Variants in SELENOO observed in about 807,000 individuals in gnomAD.
SELENOO encodes protein adenylyltransferase SelO, mitochondrial.
In SELENOO, 74 loss-of-function variants were observed where a neutral mutation model predicts 58.7. The ratio of observed to expected loss-of-function variants is 1.26; its 90% CI spans 1.04 to 1.53. The LOEUF is 1.53. Ranked by LOEUF, SELENOO falls within the 40% of genes most tolerant of loss-of-function variation. The pLI is 0.00. For synonymous variants in SELENOO, 543 were observed against 453.2 expected, an observed-to-expected ratio of 1.20 and a Z score of -2.52; for missense variants, 1,149 against 970.0, an observed-to-expected ratio of 1.18 and a Z score of -2.45.
At chr22:50,202,723 C>T (rs1429744357) in intron 1 of SELENOO, among the ~76,000 whole-genome samples, 1 of 152,184 alleles carries the variant, frequency 6.6e-6, no homozygotes, top group Non-Finnish European at 1.5e-5. Context: ...AGTATTAACT[C>T]ACTGCTTTCA....
chr22:50,210,977 C>A, intron 5 of SELENOO, 66 bp downstream of exon 5: 1 of 1,571,694 alleles, frequency 6.4e-7, no homozygotes, highest in South Asian at 1.1e-5. Context: ...GATGGTTTAC[C>A]TTCTGGCTTC....
intron 5 of SELENOO, among the ~76,000 whole-genome samples, chr22:50,214,722 G>A (rs1012603299): frequency 3.3e-5 from 5 of 152,202 alleles, no homozygotes; most frequent in East Asian, 1.9e-4. Flanking sequence ...CCGAGATTGC[G>A]CCACTGCACT....
intron 6 of SELENOO, 82 bp downstream of exon 6, chr22:50,215,949 G>A: frequency 7.6e-7 from 1 of 1,319,026 alleles, no homozygotes; most frequent in South Asian, 1.3e-5. Flanking sequence ...GGAGAAGCTA[G>A]AGACAGAGCT....
At chr22:50,204,047 G>A (rs1602487494) in intron 1 of SELENOO, among the ~76,000 whole-genome samples, 1 of 152,294 alleles carries the variant, frequency 6.6e-6, no homozygotes, top group African/African-American at 2.4e-5. Flanking sequence ...TTTCTTCAAA[G>A]ATGTGGCCAA....
intron 1 of SELENOO, among the ~76,000 whole-genome samples, chr22:50,204,745 A>G (rs776566880): frequency 1.3e-5 from 2 of 152,224 alleles, no homozygotes; most frequent in African/African-American, 2.4e-5. Context: ...AAGTTCCTCA[A>G]ATAATTAAAT....
chr22:50,208,450 C>A (rs1418319312), intron 2 of SELENOO, 86 bp from the exon 3 acceptor site: 3 of 1,287,914 alleles, frequency 2.3e-6, no homozygotes, highest in Non-Finnish European at 3.2e-6. Context: ...AAAAAAATAG[C>A]CACAACAACG....
intron 1 of SELENOO, 22 bp downstream of exon 1, chr22:50,201,612 G>T: frequency 8.0e-7 from 1 of 1,252,458 alleles, no homozygotes. Flanking sequence ...CGGGCGAGGG[G>T]CGCGGGTGGG....
In SELENOO at chr22:50,208,702, G is replaced by T. The variant is rs879141090; in HGVS notation, c.925G>T (p.Ala309Ser). 3 of 1,612,552 alleles carry T rather than the reference G, an allele frequency of 1.9e-6. No homozygotes were observed. The highest frequency in any genetic ancestry group is 3.3e-5 in the Admixed American group (2 of 60,012). Residue 309 changes from alanine (A) to serine (S), a missense_variant, in exon 3 of 9, where the codon GCC (alanine) becomes TCC (serine). Transcript: ENST00000380903. ...HASDSVQRNA[A>S]FFREVTRRTA... ...CAGCGACAGCGTGCAGAGAAATGCTGCCTTCTTCCGGGAGGTCAGTGGGCC... is the reference window on the plus strand; with the variant it reads ...CAGCGACAGCGTGCAGAGAAATGCTTCCTTCTTCCGGGAGGTCAGTGGGCC...
rs763930780 is a variant in SELENOO at position 50,210,241 on chromosome 22, G to A, written c.1000G>A (p.Val334Met). ...EWQCVGFCHG[V>M]LNTDNMSILG... ...GCAGTGTGTGGGCTTCTGCCACGGCGTGCTCAACACCGACAACATGAGCAT... is the reference window on the plus strand; with the variant it reads ...GCAGTGTGTGGGCTTCTGCCACGGCATGCTCAACACCGACAACATGAGCAT... The change falls in exon 4 of 9, where the codon GTG (valine) becomes ATG (methionine). Residue 334 changes from valine (V) to methionine (M), a missense_variant. By Grantham distance (21) the Val-to-Met change is conservative. Transcript: ENST00000380903. 1.5e-5 allele frequency: 24 copies of A among 1,613,334 alleles called. No individual in the cohort carries two copies. The highest frequency in any genetic ancestry group is 3.3e-5 in the Admixed American group (2 of 59,974).
Position 50,208,580 on chromosome 22 carries a change from GGCGTGCAGGCCCCA to G in SELENOO, c.809_822del (p.Ala270GlyfsTer137). 6.2e-7 allele frequency: 1 copy of G among 1,613,960 alleles called. No individual in the cohort carries two copies. The highest frequency in any genetic ancestry group is 1.6e-4 in the Middle Eastern group (1 of 6,062). ...TTTAAGTCTGCAGATGAGCACACAG[GGCGTGCAGGCCCCA>G]GCGTGGGGAGGAACGACATTCGAGT... On this transcript the variant is annotated frameshift_variant, in exon 3 of 9. Transcript: ENST00000380903. LOFTEE classifies it high-confidence loss of function.
rs893119700 is a variant in SELENOO, at chr22:50,201,316, C to A, written c.280C>A (p.Arg94Ser). The A allele has an allele frequency of 6.2e-6, 7 of 1,131,136 alleles. No homozygotes were observed. The highest frequency in any genetic ancestry group is 5.0e-5 in the African/African-American group (3 of 60,286). 70.1% of individuals were successfully genotyped at this position (1,131,136 alleles called of 1,614,324 possible). A position where few individuals can be genotyped will look rare whatever the true frequency, so the allele number is the denominator to read the frequency against. Reference protein sequence around the residue: ...RVQPTPLRQPRLVALSEPALA... With the variant: ...RVQPTPLRQPSLVALSEPALA... ...GCAGCCCACCCCGCTGCGGCAGCCG[C>A]GCCTCGTGGCGCTGTCAGAGCCCGC... Residue 94 changes from arginine to serine, a missense_variant, in exon 1 of 9, where the codon CGC (arginine) becomes AGC (serine). Arg to Ser is a moderately radical substitution (Grantham distance 110). Coordinates refer to ENST00000380903, the MANE Select transcript of SELENOO (RefSeq NM_031454.2).
chr22:50,210,808 G>A lies in SELENOO; in HGVS notation c.1248G>A (p.Arg416=). ...AGGAGTTTGACGCCGAGTTCCAAAG[G>A]CACTACCTGCAGAAGATGCGCAGGA... is the stretch of plus-strand genomic sequence containing the variant. ...LAEEFDAEFQ[R]HYLQKMRRKL... Residue 416 remains arginine, a synonymous_variant, in exon 5 of 9, where the codon AGG becomes AGA. Transcript: ENST00000380903. 6.2e-7 allele frequency: 1 copy of A among 1,614,044 alleles called. No homozygotes were observed. The highest frequency in any genetic ancestry group is 8.5e-7 in the Non-Finnish European group (1 of 1,180,028).
At position 50,217,581 on chromosome 22, in the gene SELENOO, G is replaced by T; in HGVS notation, c.*212G>T. The T allele has an allele frequency of 1.0e-6, 1 of 964,904 alleles. No homozygotes were observed. The highest frequency in any genetic ancestry group is 1.5e-6 in the Non-Finnish European group (1 of 659,190). The allele number at this position is 964,904 out of a possible 1,614,324, so 59.8% of individuals were successfully genotyped here. On this transcript the variant is annotated 3_prime_UTR_variant, in exon 9 of 9. Coordinates refer to ENST00000380903, the MANE Select transcript of SELENOO (RefSeq NM_031454.2). ...AGTGCAGCCTGGTCCCTGGGGGCTG[G>T]ACCCAGGCTCCTAAATAAACCAGCA...
intron 5 of SELENOO, among the ~76,000 whole-genome samples, chr22:50,214,535 G>A (rs1380243279): frequency 2.0e-5 from 3 of 152,294 alleles, no homozygotes; most frequent in Admixed American, 6.5e-5. Context: ...CAGGAGAGGC[G>A]GAGGTTGCAG....
chr22:50,206,994 C>T (rs886237104), intron 2 of SELENOO, among the ~76,000 whole-genome samples: 7 of 152,202 alleles, frequency 4.6e-5, no homozygotes, highest in African/African-American at 1.2e-4. Flanking sequence ...AGGAAATGGC[C>T]ACTGAAGAAG....
intron 1 of SELENOO, among the ~76,000 whole-genome samples, chr22:50,204,528 G>T (rs2064320053): frequency 6.6e-6 from 1 of 152,140 alleles, no homozygotes; most frequent in South Asian, 2.1e-4. Flanking sequence ...CTGGGAGGCT[G>T]AGGCAGGAGA....
At position 50,217,531 on chromosome 22, in the gene SELENOO, C is replaced by T. The variant is rs1016199370; in HGVS notation, c.*162C>T. ...AGAGACATCCAGTCAGGACCTGACC[C>T]GTCTCTGTCTGAGGCCGGCTCAGCA... On this transcript the variant is annotated 3_prime_UTR_variant, in exon 9 of 9. Transcript: ENST00000380903. 9 of 1,059,184 alleles carry T rather than the reference C, an allele frequency of 8.5e-6. No individual in the cohort carries two copies. Among genetic ancestry groups the T allele is most frequent in the African/African-American group, 4.9e-5 (3 of 61,852 alleles). The allele number at this position is 1,059,184 out of a possible 1,614,324, so 65.6% of individuals were successfully genotyped here.
rs2064333094 is a variant in SELENOO at position 50,206,398 on chromosome 22, C to T, written c.636C>T (p.Pro212=). 6.2e-7 allele frequency: 1 copy of T among 1,614,174 alleles called. No individual in the cohort carries two copies. Among genetic ancestry groups the T allele is most frequent in the African/African-American group, 1.3e-5 (1 of 75,046 alleles). The part of the protein sequence containing the change: ...CSEAMFHLGV[P]TTRAGACVTS... The stretch of plus-strand genomic sequence containing the variant: ...AAGCCATGTTCCACCTGGGAGTCCC[C>T]ACCACACGGGCCGGCGCCTGCGTCA... The change falls in exon 2 of 9, where the codon CCC becomes CCT. Residue 212 remains proline, a synonymous_variant. Coordinates refer to ENST00000380903, the MANE Select transcript of SELENOO (RefSeq NM_031454.2).
Position 50,217,394 on chromosome 22 carries a change from T to A in SELENOO, c.*25T>A, listed in dbSNP as rs942054945. The A allele has an allele frequency of 1.2e-6, 2 of 1,608,802 alleles. No homozygotes were observed. Among genetic ancestry groups the A allele is most frequent in the African/African-American group, 2.7e-5 (2 of 74,682 alleles). ...ACGGCCTCGGCACGCTCCACACCCCTGGAGTCTCCCGAGGCCCCCATGTGC... is the reference window on the plus strand; with the variant it reads ...ACGGCCTCGGCACGCTCCACACCCCAGGAGTCTCCCGAGGCCCCCATGTGC... On this transcript the variant is annotated 3_prime_UTR_variant, in exon 9 of 9. Transcript: ENST00000380903.
Sources: allele counts gnomAD v4.1 joint callset (sites outside exome capture counted in the v4.1 genomes callset), GRCh38; gene constraint gnomAD v4.1.1; transcripts MANE v1.5; gene names NCBI Gene and HGNC (gene_info 2026-07-23, HGNC 2026-07-21).